Variants in B4GALT1 observed in about 807,000 individuals in gnomAD.
B4GALT1 encodes beta-1,4-galactosyltransferase 1.
B4GALT1 carries 16 observed loss-of-function variants against 34.9 expected under a neutral mutation model. That is an observed-to-expected ratio of 0.46 (90% CI 0.31 to 0.70). B4GALT1 has a LOEUF of 0.70. Ranked by LOEUF, B4GALT1 falls within the 30% of genes least tolerant of loss-of-function variation. The pLI is 0.05. For missense variants in B4GALT1, 445 were observed against 530.5 expected (o/e 0.84, Z 1.58); for synonymous variants, 221 against 218.1 (o/e 1.01, Z -0.12).
chr9:33,141,269 C>T (rs1460297169), intron 1 of B4GALT1, among the ~76,000 whole-genome samples: 1 of 152,106 alleles, frequency 6.6e-6, no homozygotes, highest in Non-Finnish European at 1.5e-5. Flanking sequence ...CTTTGGGAGG[C>T]TGAGACAGGC....
chr9:33,173,416 C>CAAAAAAAAAAAA, the B4GALT1 span, among the ~76,000 whole-genome samples: 1 of 101,224 alleles, frequency 9.9e-6, no homozygotes. Flanking sequence ...AAAAAAAAAG[C>CAAAAAAAAAAAA]AAAAAAAAAA....
intron 1 of B4GALT1, among the ~76,000 whole-genome samples, chr9:33,160,481 A>G (rs1587751270): frequency 1.3e-5 from 2 of 152,218 alleles, no homozygotes; most frequent in African/African-American, 2.4e-5. Context: ...GACAACAGCT[A>G]TAACACTGGG....
At chr9:33,119,968 G>A (rs1815845153) in intron 3 of B4GALT1, among the ~76,000 whole-genome samples, 1 of 152,140 alleles carries the variant, frequency 6.6e-6, no homozygotes, top group Non-Finnish European at 1.5e-5. Flanking sequence ...TGGATTGCTT[G>A]AGCTCAGGAG....
chr9:33,117,571 A>C (rs1352942336), intron 3 of B4GALT1, among the ~76,000 whole-genome samples: 1 of 152,210 alleles, frequency 6.6e-6, no homozygotes, highest in Non-Finnish European at 1.5e-5. Flanking sequence ...AAAAAGACCA[A>C]ACCCATCACA....
At chr9:33,123,030 G>A (rs1840043916) in intron 2 of B4GALT1, among the ~76,000 whole-genome samples, 1 of 152,100 alleles carries the variant, frequency 6.6e-6, no homozygotes. Flanking sequence ...TGTAATCCTA[G>A]CACTTTGGAA....
intron 3 of B4GALT1, among the ~76,000 whole-genome samples, chr9:33,118,860 G>GT (rs368456792): frequency 3.8e-4 from 56 of 146,608 alleles, no homozygotes; most frequent in East Asian, 1.4e-3. Context: ...CAACTGATAG[G>GT]TTTTTTTTTT....
the B4GALT1 span, among the ~76,000 whole-genome samples, chr9:33,177,230 C>T: frequency 2.6e-5 from 4 of 152,204 alleles, no homozygotes; most frequent in Non-Finnish European, 4.4e-5. Flanking sequence ...CATGTTACTA[C>T]ATGTTACTAC....
At chr9:33,124,908 G>A (rs188508081) in intron 2 of B4GALT1, among the ~76,000 whole-genome samples, 10 of 152,330 alleles carry the variant, frequency 6.6e-5, no homozygotes, top group Middle Eastern at 3.4e-3. Context: ...GGGACCTCTG[G>A]AGGCCTGTGA....
At chr9:33,169,220 T>C (rs1282622012), upstream of B4GALT1, among the ~76,000 whole-genome samples, 1 of 152,346 alleles carries the variant, frequency 6.6e-6, no homozygotes, top group East Asian at 1.9e-4. Flanking sequence ...TGCCATTTTG[T>C]TCAGAACCAA....
intron 2 of B4GALT1, among the ~76,000 whole-genome samples, chr9:33,122,333 C>A (rs1263955232): frequency 1.3e-5 from 2 of 151,972 alleles, no homozygotes; most frequent in African/African-American, 4.8e-5. Context: ...GCCTGAGCAA[C>A]ATGGTGAGAC....
chr9:33,113,481 G>C lies in B4GALT1; in HGVS notation c.1170C>G (p.Ile390Met), dbSNP rs1436263045. 6.2e-7 allele frequency: 1 copy of C among 1,614,094 alleles called. No homozygotes were observed. The highest frequency in any genetic ancestry group is 8.5e-7 in the Non-Finnish European group (1 of 1,180,048). ...DVQRYPLYTQ[I>M]TVDIGTPS The stretch of plus-strand genomic sequence containing the variant: ...AGCTCGGTGTCCCGATGTCCACTGT[G>C]ATTTGGGTATACAATGGGTATCTCT... The change falls in exon 6 of 6, where the codon ATC becomes ATG. Residue 390 changes from isoleucine to methionine, a missense_variant. This residue lies in a region of B4GALT1 where 89 missense variants were observed against 107.6 expected (regional missense o/e 0.83). Transcript: ENST00000379731.
Position 33,111,216 on chromosome 9 carries a change from T to C in B4GALT1, c.*2238A>G, listed in dbSNP as rs368519327. The C allele has an allele frequency of 3.1e-4, 32 of 102,086 alleles. No homozygotes were observed. The highest frequency in any genetic ancestry group is 1.2e-3 in the African/African-American group (31 of 25,914). 6.3% of individuals were successfully genotyped at this position (102,086 alleles called of 1,614,324 possible). On this transcript the variant is annotated 3_prime_UTR_variant, in exon 6 of 6. Transcript: ENST00000379731. ...GCAGTATTTCCCTTGGTTCTAAGAA[T>C]GAACCACATACTTGACATGAATGAG...
chr9:33,153,765 G>A (rs1015432914), intron 1 of B4GALT1, among the ~76,000 whole-genome samples: 3 of 152,100 alleles, frequency 2.0e-5, no homozygotes, highest in Non-Finnish European at 2.9e-5. Flanking sequence ...ACTGGTGAAC[G>A]CTACCAGATA....
intron 2 of B4GALT1, among the ~76,000 whole-genome samples, chr9:33,121,451 C>T (rs1201983589): frequency 1.3e-5 from 2 of 152,074 alleles, no homozygotes; most frequent in East Asian, 3.9e-4. Context: ...CAACCTCTGC[C>T]TCCAGGATTC....
intron 1 of B4GALT1, among the ~76,000 whole-genome samples, chr9:33,150,539 AAAC>A (rs1840501475): frequency 6.6e-6 from 1 of 152,224 alleles, no homozygotes; most frequent in African/African-American, 2.4e-5. Context: ...CAAAAAGACA[AAAC>A]AATAGTAATG....
At chr9:33,171,696 C>T (rs984214008), upstream of B4GALT1, among the ~76,000 whole-genome samples, 17 of 151,966 alleles carry the variant, frequency 1.1e-4, no homozygotes, top group African/African-American at 3.9e-4. Flanking sequence ...CTGGGACTAC[C>T]GGGATGCGCC....
In B4GALT1 at chr9:33,152,356, TAACATAACATAACA is replaced by T. The variant is rs780314294; in HGVS notation, c.412+14388_412+14401del. On this transcript the variant is annotated intron_variant, in intron 1 of 5. Transcript: ENST00000379731. ...TAACATAACATAACATAACATAACA[TAACATAACATAACA>T]ACTTCTACATAGCTAAAGAAACCAG... is the stretch of plus-strand genomic sequence containing the variant. Among the ~76,000 whole-genome samples, 503 of 122,572 alleles carry T rather than the reference TAACATAACATAACA, an allele frequency of 4.1e-3. 6 individuals are homozygous for T. Among genetic ancestry groups the T allele is most frequent in the African/African-American group, 0.011 (338 of 30,200 alleles). 80.4% of individuals were successfully genotyped at this position (122,572 alleles called of 152,430 possible). A position where few individuals can be genotyped will look rare whatever the true frequency, so the allele number is the denominator to read the frequency against.
At chr9:33,126,085 A>G (rs1316434903) in intron 2 of B4GALT1, among the ~76,000 whole-genome samples, 5 of 152,142 alleles carry the variant, frequency 3.3e-5, no homozygotes, top group Admixed American at 2.0e-4. Context: ...CCTCCCCACC[A>G]TGCAAGAACG....
the B4GALT1 span, among the ~76,000 whole-genome samples, chr9:33,184,725 A>G: frequency 6.6e-6 from 1 of 152,244 alleles, no homozygotes; most frequent in African/African-American, 2.4e-5. Flanking sequence ...TTTGAGCTGC[A>G]ACGCTCTAAA....
Sources: allele counts gnomAD v4.1 joint callset (sites outside exome capture counted in the v4.1 genomes callset), GRCh38; gene constraint gnomAD v4.1.1; regional missense constraint gnomAD v4.1.1; transcripts MANE v1.5; gene names NCBI Gene and HGNC (gene_info 2026-07-23, HGNC 2026-07-21).